KCNAB1: variants seen among roughly 807,000 people sequenced by gnomAD.
KCNAB1 encodes the protein potassium voltage-gated channel subfamily A regulatory beta subunit 1.
In KCNAB1, 35 loss-of-function variants were observed where a neutral mutation model predicts 64.6. The observed-to-expected ratio is 0.54, with a 90% CI of 0.41 to 0.72. The LOEUF (loss-of-function observed/expected upper bound fraction) is 0.72, where lower values mean the gene tolerates loss of function less well. Ranked by LOEUF, KCNAB1 falls within the 30% of genes least tolerant of loss-of-function variation. KCNAB1 has a pLI of 0.00. For missense variants in KCNAB1, 401 were observed against 512.9 expected, an observed-to-expected ratio of 0.78 and a Z score of 2.11; for synonymous variants, 177 against 183.8, an observed-to-expected ratio of 0.96 and a Z score of 0.30.
intron 1 of KCNAB1, among the ~76,000 whole-genome samples, chr3:156,208,964 T>C (rs1382374447): frequency 6.6e-6 from 1 of 152,208 alleles, no homozygotes; most frequent in Non-Finnish European, 1.5e-5. Context: ...ACGTAAGAAA[T>C]GCAAAGACAG....
At chr3:156,428,631 G>A (rs976076213) in intron 2 of KCNAB1, among the ~76,000 whole-genome samples, 2 of 151,872 alleles carry the variant, frequency 1.3e-5, no homozygotes, top group African/African-American at 4.8e-5. Context: ...CCAGAGTTAA[G>A]TATTTGTAAG....
chr3:156,505,629 T>A (rs1223368667), intron 8 of KCNAB1, among the ~76,000 whole-genome samples: 4 of 152,218 alleles, frequency 2.6e-5, no homozygotes, highest in Non-Finnish European at 5.9e-5. Flanking sequence ...CTTAAATTTA[T>A]TTATAGGTGT....
intron 1 of KCNAB1, among the ~76,000 whole-genome samples, chr3:156,265,753 G>GGGA (rs1718665182): frequency 6.6e-6 from 1 of 152,156 alleles, no homozygotes; most frequent in South Asian, 2.1e-4. Flanking sequence ...CCAGCACTTT[G>GGGA]GGAGTCCGAG....
At chr3:156,406,822 C>T (rs1284238388) in intron 1 of KCNAB1, among the ~76,000 whole-genome samples, 1 of 152,040 alleles carries the variant, frequency 6.6e-6, no homozygotes, top group East Asian at 1.9e-4. Flanking sequence ...AAGTAGAGAG[C>T]CTAAGACAAG....
intron 3 of KCNAB1, among the ~76,000 whole-genome samples, chr3:156,455,815 A>G (rs1268895352): frequency 1.3e-5 from 2 of 152,140 alleles, no homozygotes; most frequent in East Asian, 1.9e-4. Flanking sequence ...CTCAATTAGA[A>G]CAGTGACTCC....
chr3:156,339,067 C>T (rs1049036598), intron 1 of KCNAB1, among the ~76,000 whole-genome samples: 1 of 152,116 alleles, frequency 6.6e-6, no homozygotes, highest in African/African-American at 2.4e-5. Context: ...CTCAGATTGA[C>T]AGGGGAAGGC....
chr3:156,283,531 A>T, intron 1 of KCNAB1, among the ~76,000 whole-genome samples: 1 of 150,804 alleles, frequency 6.6e-6, no homozygotes, highest in Non-Finnish European at 1.5e-5. Context: ...AGATTGGGGA[A>T]GTTCTCCTGG....
intron 8 of KCNAB1, among the ~76,000 whole-genome samples, chr3:156,501,422 C>CTTTTTTTTT (rs34628325): frequency 2.4e-5 from 2 of 82,524 alleles, no homozygotes; most frequent in Non-Finnish European, 4.6e-5. Context: ...GACTTAGTAC[C>CTTTTTTTTT]TTTTTTTTTT....
At chr3:156,282,413 G>A (rs1039277038) in intron 1 of KCNAB1, among the ~76,000 whole-genome samples, 3 of 145,494 alleles carry the variant, frequency 2.1e-5, no homozygotes, top group African/African-American at 5.1e-5. Context: ...GAATAGGTGT[G>A]GTGTGGTGCT....
intron 1 of KCNAB1, among the ~76,000 whole-genome samples, chr3:156,237,645 G>T (rs978584724): frequency 6.6e-6 from 1 of 152,114 alleles, no homozygotes; most frequent in Non-Finnish European, 1.5e-5. Flanking sequence ...CTTTGCACAT[G>T]TGCTTTCCTT....
intron 8 of KCNAB1, among the ~76,000 whole-genome samples, chr3:156,500,217 C>T (rs1158736829): frequency 6.6e-6 from 1 of 152,160 alleles, no homozygotes; most frequent in African/African-American, 2.4e-5. Context: ...AAGCACATGA[C>T]CTCACACGTT....
At chr3:156,246,304 C>G (rs541109098) in intron 1 of KCNAB1, among the ~76,000 whole-genome samples, 38 of 151,562 alleles carry the variant, frequency 2.5e-4, no homozygotes, top group African/African-American at 7.5e-4. Flanking sequence ...CAAGCAACAT[C>G]TAGTCTAAAA....
At chr3:156,316,382 C>A (rs547720797) in intron 1 of KCNAB1, among the ~76,000 whole-genome samples, 6 of 152,300 alleles carry the variant, frequency 3.9e-5, no homozygotes, top group African/African-American at 1.2e-4. Flanking sequence ...GGTTAAGAGC[C>A]TGGGCTGAGG....
chr3:156,156,506 T>A (rs1389754918), intron 1 of KCNAB1, among the ~76,000 whole-genome samples: 1 of 152,204 alleles, frequency 6.6e-6, no homozygotes, highest in Non-Finnish European at 1.5e-5. Flanking sequence ...TAAACCAGAA[T>A]GGAAATGGTG....
intron 1 of KCNAB1, among the ~76,000 whole-genome samples, chr3:156,400,054 G>T (rs1713773510): frequency 6.6e-6 from 1 of 152,168 alleles, no homozygotes; most frequent in South Asian, 2.1e-4. Flanking sequence ...GAGTTGAGAT[G>T]AATCCACAAT....
rs541330679 is a variant in KCNAB1, at chr3:156,221,650, C to T, written c.275+100764C>T. On this transcript the variant is annotated intron_variant, in intron 1 of 13. Transcript: ENST00000490337. ...AAAATTAGCCGGACATGGTGGTGGG[C>T]GCCTGTAATCACAGCTACTTGGGAG... Among the ~76,000 whole-genome samples, 8 of 151,874 alleles carry T rather than the reference C, an allele frequency of 5.3e-5. 1 individual carries two copies. The highest frequency in any genetic ancestry group is 2.6e-4 in the Admixed American group (4 of 15,260).
intron 1 of KCNAB1, among the ~76,000 whole-genome samples, chr3:156,190,411 TAAG>T (rs1450799267): frequency 1.3e-5 from 2 of 151,906 alleles, no homozygotes; most frequent in Non-Finnish European, 2.9e-5. Flanking sequence ...CTCAGAGACA[TAAG>T]AAGCATCAAA....
chr3:156,214,697 C>T (rs190134383), intron 1 of KCNAB1, among the ~76,000 whole-genome samples: 119 of 152,256 alleles, frequency 7.8e-4, no homozygotes, highest in Admixed American at 7.2e-3. Flanking sequence ...ACCACCCGAC[C>T]GTATTCTTGA....
rs1261130851 is a variant in KCNAB1, at chr3:156,265,438, C to G, written c.275+144552C>G. Among the ~76,000 whole-genome samples, 22 of 152,150 alleles carry G rather than the reference C, an allele frequency of 1.4e-4. 2 individuals are homozygous for G. The highest frequency in any genetic ancestry group is 1.4e-3 in the Admixed American group (22 of 15,276). On this transcript the variant is annotated intron_variant, in intron 1 of 13. Transcript: ENST00000490337. ...TGGGTCAATGCTGCTCCCAAAGAGG[C>G]CCTGATTCAGTGGGCCATTCCATTT...
Sources: allele counts gnomAD v4.1 joint callset (sites outside exome capture counted in the v4.1 genomes callset), GRCh38; gene constraint gnomAD v4.1.1; transcripts MANE v1.5; gene names NCBI Gene and HGNC (gene_info 2026-07-23, HGNC 2026-07-21).